The following LIPE variants were observed in gnomAD, a reference collection of about 807,000 sequenced individuals.
The protein encoded by LIPE is lipase E, hormone sensitive type.
In LIPE, 66 loss-of-function variants were observed where a neutral mutation model predicts 88.5. The observed-to-expected ratio is 0.75, with a 90% CI of 0.61 to 0.91. LIPE has a LOEUF of 0.91. Among genes scored for constraint, LIPE ranks in the 40% least tolerant of loss-of-function variants. LIPE has a pLI of 0.00. For synonymous variants in LIPE, 570 were observed against 617.5 expected, an observed-to-expected ratio of 0.92 and a Z score of 1.14; for missense variants, 1,346 against 1,434.7, an observed-to-expected ratio of 0.94 and a Z score of 1.00.
At position 42,405,561 on chromosome 19, in the gene LIPE, C is replaced by T. The variant is rs778824259; in HGVS notation, c.2366G>A (p.Gly789Asp). 6 of 1,611,904 alleles carry T rather than the reference C, an allele frequency of 3.7e-6. No individual in the cohort carries two copies. The highest frequency in any genetic ancestry group is 1.1e-5 in the South Asian group (1 of 90,966). Residue 789 changes from glycine to aspartate, a missense_variant and splice_region_variant, in exon 8 of 10, where the codon GGT becomes GAT. Transcript: ENST00000244289. ...GTTGGAGTGGTCCTCCGTCTTTGCA[C>T]CTGCAGAATATATGTGGGTAGCTGA... ...VLSKCVSAYA[G>D]AKTEDHSNSD...
In LIPE at chr19:42,407,430, G is replaced by T; in HGVS notation, c.1881C>A (p.Gly627=). The T allele has an allele frequency of 6.2e-7, 1 of 1,613,536 alleles. No homozygotes were observed. ...EELSSLIKSN[G]QRSLELWPRP... ...GCGGCCACAGCTCCAGGCTCCGTTG[G>T]CCGTTGGACTTTATCAGGCTGCTGA... is the stretch of plus-strand genomic sequence containing the variant. Residue 627 remains glycine (G), a synonymous_variant, in exon 6 of 10, where the codon GGC becomes GGA. Coordinates refer to ENST00000244289, the MANE Select transcript of LIPE (RefSeq NM_005357.4). The surrounding 1 kb of genome is among the most constrained non-coding windows in gnomAD (Gnocchi z 5.8).
rs1260369151 is a variant in LIPE, at chr19:42,405,394, G to A, written c.2533C>T (p.Pro845Ser). The A allele has an allele frequency of 6.2e-7, 1 of 1,613,048 alleles. No individual in the cohort carries two copies. The highest frequency in any genetic ancestry group is 8.5e-7 in the Non-Finnish European group (1 of 1,179,896). The part of the protein sequence containing the change: ...SGRKSQKMSE[P>S]IAEPMRRSVS... ...GGAGTGAATCACTCACCTGCTATGGGCTCCGACATCTTCTGGGACTTGCGC... is the reference window on the plus strand; with the variant it reads ...GGAGTGAATCACTCACCTGCTATGGACTCCGACATCTTCTGGGACTTGCGC... Residue 845 changes from proline to serine, a missense_variant, in exon 8 of 10, where the codon CCC becomes TCC. Transcript: ENST00000244289.
rs770213812 is a variant in LIPE at position 42,407,410 on chromosome 19, C to T, written c.1901G>A (p.Trp634Ter). ...KSNGQRSLELWPRPQQAPRSR... is the reference protein window; with the variant it reads ...KSNGQRSLEL ...GCGGGGTGCCTGCTGGGGGCGCGGCCACAGCTCCAGGCTCCGTTGGCCGTT... is the reference window on the plus strand; with the variant it reads ...GCGGGGTGCCTGCTGGGGGCGCGGCTACAGCTCCAGGCTCCGTTGGCCGTT... The change falls in exon 6 of 10, where the codon TGG becomes TAG. Residue 634 changes from tryptophan (W) to a stop codon, truncating the protein, a stop_gained. Transcript: ENST00000244289. LOFTEE classifies it high-confidence loss of function. This position sits in a 1 kb window ranked among gnomAD's most constrained non-coding sequence, Gnocchi z 5.8. The T allele has an allele frequency of 5.6e-6, 9 of 1,613,676 alleles. No individual in the cohort carries two copies. Among genetic ancestry groups the T allele is most frequent in the Non-Finnish European group, 7.6e-6 (9 of 1,179,838 alleles).
chr19:42,422,571 C>G (rs892105644), intron 1 of LIPE, among the ~76,000 whole-genome samples: 11 of 152,226 alleles, frequency 7.2e-5, no homozygotes, highest in Middle Eastern at 3.4e-3. Context: ...GTCCCTGGGG[C>G]TGAGGGGTGG....
intron 1 of LIPE, chr19:42,423,624 C>A (rs183647343): frequency 1.3e-5 from 15 of 1,186,110 alleles, no homozygotes; most frequent in Admixed American, 7.5e-5. Flanking sequence ...TACTGTCGGG[C>A]CCCCCTATTA....
At chr19:42,405,275 G>A in intron 8 of LIPE, 110 bp downstream of exon 8, 2 of 1,131,878 alleles carry the variant, frequency 1.8e-6, no homozygotes, top group Non-Finnish European at 2.5e-6. Context: ...AAAGTGCTGG[G>A]ATTGCAGGTC....
In LIPE at chr19:42,408,289, T is replaced by C. The variant is rs146114208; in HGVS notation, c.1453A>G (p.Ile485Val). The C allele has an allele frequency of 1.3e-5, 21 of 1,613,974 alleles. 1 individual carries two copies. The highest frequency in any genetic ancestry group is 7.7e-5 in the South Asian group (7 of 91,078). ...TPAIRPFLQT[I>V]SIGLVSFGEH... ...CCGAAGGACACCAGCCCAATGGAGA[T>C]GGTCTGCAGGAATGGCCGGATGGCA... Residue 485 changes from isoleucine (I) to valine (V), a missense_variant, in exon 3 of 10, where the codon ATC (isoleucine) becomes GTC (valine). Ile to Val is a conservative substitution (Grantham distance 29). Transcript: ENST00000244289. This position sits in a 1 kb window ranked among gnomAD's most constrained non-coding sequence, Gnocchi z 4.3.
chr19:42,424,383 C>T, intron 1 of LIPE: 1 of 456,580 alleles, frequency 2.2e-6, no homozygotes, highest in Non-Finnish European at 4.4e-6. Context: ...TGCTCACACG[C>T]ACACAGCCAA....
At position 42,408,379 on chromosome 19, in the gene LIPE, A is replaced by T; in HGVS notation, c.1420-57T>A. 7.1e-7 allele frequency: 1 copy of T among 1,404,296 alleles called. No individual in the cohort carries two copies. Among genetic ancestry groups the T allele is most frequent in the Non-Finnish European group, 1.0e-6 (1 of 990,568 alleles). 87.0% of individuals were successfully genotyped at this position (1,404,296 alleles called of 1,614,324 possible). A position where few individuals can be genotyped will look rare whatever the true frequency, so the allele number is the denominator to read the frequency against. ...CTCAAGAGAGGGATGGGGACAGGGC[A>T]GGAGCGAGGCACAGGGATGTGCGGG... is the stretch of plus-strand genomic sequence containing the variant. On this transcript the variant is annotated intron_variant, in intron 2 of 9. Transcript: ENST00000244289. The surrounding 1 kb of genome is among the most constrained non-coding windows in gnomAD (Gnocchi z 4.3).
intron 1 of LIPE, chr19:42,424,729 C>A: frequency 2.4e-6 from 1 of 420,060 alleles, no homozygotes; most frequent in Admixed American, 2.7e-5. Flanking sequence ...TTGGTTTTTC[C>A]CCCCACATCA....
At chr19:42,422,488 G>T (rs561100347) in intron 1 of LIPE, among the ~76,000 whole-genome samples, 63 of 152,310 alleles carry the variant, frequency 4.1e-4, no homozygotes, top group South Asian at 1.5e-3. Flanking sequence ...GAGCCTGCGT[G>T]TGTCTGAAGC....
intron 1 of LIPE, chr19:42,423,725 T>C (rs757104688): frequency 2.7e-6 from 3 of 1,132,074 alleles, no homozygotes; most frequent in Non-Finnish European, 3.3e-6. Context: ...ACCGCCAGAA[T>C]TTAAGATCTG....
At position 42,427,276 on chromosome 19, in the gene LIPE, A is replaced by G. The variant is rs993279332; in HGVS notation, c.-127T>C. The stretch of plus-strand genomic sequence containing the variant: ...GGCACTTCCTCTTGGGTTTCACTCC[A>G]TCCTAGCATCACTGGTCTTCCTTTT... On this transcript the variant is annotated 5_prime_UTR_variant, in exon 1 of 10. An upstream start codon of the reference 5' UTR is lost. Coordinates refer to ENST00000244289, the MANE Select transcript of LIPE (RefSeq NM_005357.4). 7 of 1,426,282 alleles carry G rather than the reference A, an allele frequency of 4.9e-6. No homozygotes were observed. The African/African-American group carries it at 1.0e-4, about 21-fold the overall frequency. The allele number at this position is 1,426,282 out of a possible 1,614,324, so 88.4% of individuals were successfully genotyped here. A position where few individuals can be genotyped will look rare whatever the true frequency, so the allele number is the denominator to read the frequency against.
intron 8 of LIPE, among the ~76,000 whole-genome samples, chr19:42,403,458 T>TG (rs1175453773): frequency 1.3e-5 from 2 of 151,670 alleles, no homozygotes; most frequent in Non-Finnish European, 2.9e-5. Context: ...TTTTGTTTTT[T>TG]TTTTTTTGAG....
At chr19:42,424,557 C>G (rs2040672556) in intron 1 of LIPE, 2 of 456,250 alleles carry the variant, frequency 4.4e-6, no homozygotes, top group African/African-American at 4.0e-5. Flanking sequence ...TCTTCCTTCC[C>G]TCTCAAAGCA....
chr19:42,424,872 C>CA (rs2040679692), intron 1 of LIPE: 1 of 349,720 alleles, frequency 2.9e-6, no homozygotes, highest in African/African-American at 2.1e-5. Context: ...CAGGGGGCAG[C>CA]ACTGGGCCCC....
chr19:42,414,975 T>C lies in LIPE; in HGVS notation c.884-4133A>G, dbSNP rs1022206458. Among the ~76,000 whole-genome samples, 1 of 152,204 alleles carries C rather than the reference T, an allele frequency of 6.6e-6. No homozygotes were observed. The highest frequency in any genetic ancestry group is 6.5e-5 in the Admixed American group (1 of 15,276). ...GGCCGGGCACGGTGGCTAATGCCTGTAATCCCAGCACTTTGGGAGGCTGAG... is the reference window on the plus strand; with the variant it reads ...GGCCGGGCACGGTGGCTAATGCCTGCAATCCCAGCACTTTGGGAGGCTGAG... On this transcript the variant is annotated intron_variant, in intron 1 of 9. Transcript: ENST00000244289. This position sits in a 1 kb window ranked among gnomAD's most constrained non-coding sequence, Gnocchi z 4.6.
At chr19:42,421,396 G>T (rs970349509) in intron 1 of LIPE, among the ~76,000 whole-genome samples, 6 of 152,122 alleles carry the variant, frequency 3.9e-5, no homozygotes, top group Non-Finnish European at 8.8e-5. Flanking sequence ...GCCTCCTTGG[G>T]AAGCCTCTCA....
chr19:42,422,841 A>C (rs1345827169), intron 1 of LIPE, among the ~76,000 whole-genome samples: 4 of 152,162 alleles, frequency 2.6e-5, no homozygotes, highest in African/African-American at 9.6e-5. Flanking sequence ...GCTAGGCCCC[A>C]GTGGAGCCGG....
Sources: allele counts gnomAD v4.1 joint callset (sites outside exome capture counted in the v4.1 genomes callset), GRCh38; gene constraint gnomAD v4.1.1; non-coding constraint Gnocchi (gnomAD v3.1); transcripts MANE v1.5; gene names NCBI Gene and HGNC (gene_info 2026-07-23, HGNC 2026-07-21).